Variants in TEX10 observed in about 807,000 individuals in gnomAD.
TEX10 encodes the protein testis-expressed protein 10.
In TEX10, 24 loss-of-function variants were observed where a neutral mutation model predicts 104.4. That is an observed-to-expected ratio of 0.23 (90% CI 0.17 to 0.32). TEX10 has a LOEUF of 0.32. TEX10 is among the 10% of genes least tolerant of loss of function. TEX10 has a pLI of 1.00. For synonymous variants in TEX10, 396 were observed against 393.4 expected (o/e 1.01, Z -0.08); for missense variants, 921 against 1,083.9 (o/e 0.85, Z 2.11).
chr9:100,333,677 A>G (rs1180155061), intron 5 of TEX10, among the ~76,000 whole-genome samples: 1 of 151,668 alleles, frequency 6.6e-6, no homozygotes, highest in Non-Finnish European at 1.5e-5. Flanking sequence ...AAAATGCACT[A>G]AAGCAAAACA....
intron 11 of TEX10, among the ~76,000 whole-genome samples, chr9:100,312,641 C>A (rs555631322): frequency 1.3e-5 from 2 of 152,298 alleles, no homozygotes; most frequent in East Asian, 3.9e-4. Flanking sequence ...CATAACTACT[C>A]TAATATAATC....
chr9:100,311,980 G>GT lies in TEX10; in HGVS notation c.2203-1602_2203-1601insA, dbSNP rs200155802. On this transcript the variant is annotated intron_variant, in intron 11 of 14. Transcript: ENST00000374902. Reference sequence around the variant, plus strand: ...GTTATTTACAGATTTGAGAGTGTGTGGGGGGGGGAATCAACAGATCTATAC... The same window carrying GT: ...GTTATTTACAGATTTGAGAGTGTGTGTGGGGGGGGAATCAACAGATCTATAC... Among the ~76,000 whole-genome samples the GT allele has an allele frequency of 3.5e-4, 52 of 148,028 alleles. No individual in the cohort carries two copies. The East Asian group carries it at 6.9e-3, about 20-fold the overall frequency.
chr9:100,331,229 C>G (rs2118892127), intron 5 of TEX10, among the ~76,000 whole-genome samples: 1 of 152,220 alleles, frequency 6.6e-6, no homozygotes, highest in East Asian at 1.9e-4. Flanking sequence ...CCATTGCACT[C>G]CAACCTGGGC....
chr9:100,352,421 T>A (rs908783442), intron 1 of TEX10: 1 of 1,551,730 alleles, frequency 6.4e-7, no homozygotes, highest in Non-Finnish European at 8.7e-7. Flanking sequence ...GAACACACCA[T>A]GGGTTTTAGG....
chr9:100,352,275 C>T, intron 1 of TEX10: 5 of 1,353,078 alleles, frequency 3.7e-6, no homozygotes, highest in Non-Finnish European at 5.1e-6. Flanking sequence ...AGCAAATGGC[C>T]CAGGCAGGGG....
chr9:100,302,186 C>A lies in TEX10; in HGVS notation c.*5G>T. The A allele has an allele frequency of 1.3e-6, 2 of 1,543,474 alleles. No homozygotes were observed. Among genetic ancestry groups the A allele is most frequent in the Non-Finnish European group, 1.8e-6 (2 of 1,131,914 alleles). ...CAACTTCAAACAGGAGGTACTATGG[C>A]CTCTTCAATACACTGTAGCCAGTGC... On this transcript the variant is annotated 3_prime_UTR_variant, in exon 15 of 15. Transcript: ENST00000374902.
Position 100,341,943 on chromosome 9 carries a change from T to C in TEX10, c.1138-1574A>G, listed in dbSNP as rs139494259. Among the ~76,000 whole-genome samples the C allele has an allele frequency of 8.6e-3, 1,316 of 152,322 alleles. 17 individuals carry two copies. The highest frequency in any genetic ancestry group is 0.034 in the Middle Eastern group (10 of 294). On this transcript the variant is annotated intron_variant, in intron 4 of 14. Transcript: ENST00000374902. ...CACTCCTCTGCTCAAAACCCTCCAGTGGTCTTTTCGCCACACTCAGGTTAA... is the reference window on the plus strand; with the variant it reads ...CACTCCTCTGCTCAAAACCCTCCAGCGGTCTTTTCGCCACACTCAGGTTAA...
chr9:100,352,618 C>T (rs1587750138), intron 1 of TEX10, 154 bp downstream of exon 1: 2 of 1,474,438 alleles, frequency 1.4e-6, no homozygotes, highest in Non-Finnish European at 1.8e-6. Context: ...ACACCCAGGC[C>T]CAGCTCGGAG....
chr9:100,326,007 A>C (rs528704419), intron 9 of TEX10, among the ~76,000 whole-genome samples: 3 of 152,272 alleles, frequency 2.0e-5, no homozygotes, highest in Non-Finnish European at 4.4e-5. Flanking sequence ...ATTCCATAAC[A>C]ACAAAGGTTT....
chr9:100,324,250 C>T (rs1834647774), intron 9 of TEX10, among the ~76,000 whole-genome samples: 1 of 152,116 alleles, frequency 6.6e-6, no homozygotes, highest in African/African-American at 2.4e-5. Flanking sequence ...CCAGGCTGGT[C>T]TCAAACTCCT....
chr9:100,316,570 G>A (rs577164565), intron 11 of TEX10, among the ~76,000 whole-genome samples: 7 of 152,156 alleles, frequency 4.6e-5, no homozygotes, highest in African/African-American at 1.7e-4. Flanking sequence ...ATCCAAATTG[G>A]AAAAGAGGAA....
At chr9:100,335,720 A>C (rs1834989280) in intron 5 of TEX10, among the ~76,000 whole-genome samples, 1 of 152,046 alleles carries the variant, frequency 6.6e-6, no homozygotes, top group South Asian at 2.1e-4. Context: ...ACAATGAAAA[A>C]TGCAAAGCAT....
chr9:100,330,682 T>A (rs1228106221), intron 5 of TEX10, among the ~76,000 whole-genome samples: 1 of 152,268 alleles, frequency 6.6e-6, no homozygotes, highest in African/African-American at 2.4e-5. Flanking sequence ...TATCAGTTTA[T>A]TCACTCTAGC....
chr9:100,328,059 A>C (rs1834754304), intron 7 of TEX10, 97 bp from the exon 8 acceptor site: 1 of 926,948 alleles, frequency 1.1e-6, no homozygotes, highest in Non-Finnish European at 1.5e-6. Flanking sequence ...AATATATCAC[A>C]AAGTGACTAA....
Position 100,352,733 on chromosome 9 carries a change from C to A in TEX10, c.-10+39G>T, listed in dbSNP as rs557755897. On this transcript the variant is annotated intron_variant, in intron 1 of 14. Transcript: ENST00000374902. ...CGGCCCCACCACGCTCAGTCCCGCG[C>A]CCCGGGAGGACCCGGCCCGACGGGC... The A allele has an allele frequency of 1.2e-3, 1,485 of 1,201,562 alleles. 8 individuals carry two copies. Among genetic ancestry groups the A allele is most frequent in the South Asian group, 6.6e-3 (241 of 36,392 alleles). The allele number at this position is 1,201,562 out of a possible 1,614,324, so 74.4% of individuals were successfully genotyped here. A position where few individuals can be genotyped will look rare whatever the true frequency, so the allele number is the denominator to read the frequency against.
chr9:100,341,484 C>A (rs1835170080), intron 4 of TEX10, among the ~76,000 whole-genome samples: 1 of 148,610 alleles, frequency 6.7e-6, no homozygotes, highest in East Asian at 2.1e-4. Flanking sequence ...AAATGACTTT[C>A]TTTCTCATTT....
chr9:100,352,163 T>C (rs1008425809), intron 1 of TEX10, among the ~76,000 whole-genome samples: 11 of 152,164 alleles, frequency 7.2e-5, no homozygotes, highest in African/African-American at 2.7e-4. Context: ...AGAACGATCG[T>C]ACTGCACTCG....
chr9:100,320,540 C>G, intron 10 of TEX10, 142 bp from the exon 11 acceptor site: 1 of 914,976 alleles, frequency 1.1e-6, no homozygotes, highest in Admixed American at 3.1e-5. Context: ...GCATTTCATG[C>G]TATATTTTAA....
intron 4 of TEX10, among the ~76,000 whole-genome samples, chr9:100,340,869 C>T (rs552837259): frequency 2.0e-5 from 3 of 152,268 alleles, no homozygotes; most frequent in Non-Finnish European, 2.9e-5. Context: ...TTTATTTCCT[C>T]TTATCCAAGG....
Sources: allele counts gnomAD v4.1 joint callset (sites outside exome capture counted in the v4.1 genomes callset), GRCh38; gene constraint gnomAD v4.1.1; transcripts MANE v1.5; gene names NCBI Gene and HGNC (gene_info 2026-07-23, HGNC 2026-07-21).